Variants in SYT1 observed in about 807,000 individuals in gnomAD.
The protein encoded by SYT1 is synaptotagmin-1.
SYT1 carries 8 observed loss-of-function variants against 44.8 expected under a neutral mutation model. The ratio of observed to expected loss-of-function variants is 0.18; its 90% CI spans 0.10 to 0.32. The LOEUF (loss-of-function observed/expected upper bound fraction) is 0.32. Ranked by LOEUF, SYT1 falls within the 10% of genes least tolerant of loss-of-function variation. The probability of loss-of-function intolerance (pLI) is 1.00; values close to 1 mark genes in which losing one functional copy is unlikely to be tolerated. For synonymous variants in SYT1, 154 were observed against 188.8 expected (o/e 0.82, Z 1.51); for missense variants, 286 against 509.3 (o/e 0.56, Z 4.22).
At chr12:79,052,934 T>G (rs1474611219) in intron 3 of SYT1, among the ~76,000 whole-genome samples, 1 of 152,190 alleles carries the variant, frequency 6.6e-6, no homozygotes, top group East Asian at 1.9e-4. Context: ...TCAACCCTTA[T>G]GGAAGTCAGT....
chr12:78,867,634 T>G (rs988889169), intron 1 of SYT1, among the ~76,000 whole-genome samples: 5 of 152,022 alleles, frequency 3.3e-5, no homozygotes. Context: ...TTTGTCAGAA[T>G]TGAAGACTGC....
intron 1 of SYT1, among the ~76,000 whole-genome samples, chr12:78,949,172 C>T (rs1389074720): frequency 6.6e-6 from 1 of 151,450 alleles, no homozygotes; most frequent in Non-Finnish European, 1.5e-5. Context: ...TATGAGAACA[C>T]ATATTTTTTG....
Position 79,014,838 on chromosome 12 carries a change from T to G in SYT1, c.-83-32459T>G, listed in dbSNP as rs1383682571. On this transcript the variant is annotated intron_variant, in intron 2 of 10. Transcript: ENST00000261205. ...AATATCCAACAATGATAGACTGGATTAAGAAAATGTGGCACATATACACCA... is the reference window on the plus strand; with the variant it reads ...AATATCCAACAATGATAGACTGGATGAAGAAAATGTGGCACATATACACCA... Among the ~76,000 whole-genome samples the G allele has an allele frequency of 1.1e-4, 16 of 151,900 alleles. 1 individual carries two copies. The highest frequency in any genetic ancestry group is 5.8e-4 in the East Asian group (3 of 5,170).
chr12:78,936,672 G>A (rs189109923), intron 1 of SYT1, among the ~76,000 whole-genome samples: 4 of 152,022 alleles, frequency 2.6e-5, no homozygotes, highest in African/African-American at 9.6e-5. Flanking sequence ...ACCGAGTTTG[G>A]CAATTTTGCA....
At chr12:79,255,673 G>T (rs1395423514) in intron 4 of SYT1, among the ~76,000 whole-genome samples, 1 of 152,178 alleles carries the variant, frequency 6.6e-6, no homozygotes. Flanking sequence ...GAATGTCTAT[G>T]TAACCAGGAA....
chr12:79,217,604 C>A lies in SYT1; in HGVS notation c.85C>A (p.Pro29Thr), dbSNP rs148639832. 2 of 1,613,026 alleles carry A rather than the reference C, an allele frequency of 1.2e-6. No individual in the cohort carries two copies. Among genetic ancestry groups the A allele is most frequent in the African/African-American group, 2.7e-5 (2 of 74,816 alleles). Residue 29 changes from proline to threonine, a missense_variant, in exon 4 of 11, where the codon CCA becomes ACA. Pro to Thr is a conservative substitution (Grantham distance 38). Around this residue, in one of 6 missense-constraint regions of SYT1, gnomAD observed 141 missense variants for 165.7 expected, o/e 0.85. Coordinates refer to ENST00000261205, the MANE Select transcript of SYT1 (RefSeq NM_005639.3). ...TGTTCTGCCAAGCAACGCCACAGAG[C>A]CAGCCAGTCCTGGAGAAGGAAAGGA... ...ATVLPSNATE[P>T]ASPGEGKEDA...
intron 9 of SYT1, among the ~76,000 whole-genome samples, chr12:79,364,209 T>C (rs111769536): frequency 2.0e-5 from 3 of 152,072 alleles, no homozygotes; most frequent in Admixed American, 2.0e-4. Context: ...AAGATTTTAC[T>C]TCCTTCCTTC....
intron 3 of SYT1, among the ~76,000 whole-genome samples, chr12:79,107,903 A>G (rs1423195181): frequency 6.6e-6 from 1 of 152,050 alleles, no homozygotes; most frequent in Non-Finnish European, 1.5e-5. Context: ...AAAACAAAAA[A>G]CTAAATAAAC....
At chr12:79,284,048 T>C (rs1007077098) in intron 4 of SYT1, among the ~76,000 whole-genome samples, 2 of 151,998 alleles carry the variant, frequency 1.3e-5, no homozygotes, top group Non-Finnish European at 2.9e-5. Flanking sequence ...CAATCATTGG[T>C]TCTAGTAATG....
At chr12:78,926,494 T>C (rs941478275) in intron 1 of SYT1, 19 of 152,116 alleles carry the variant, frequency 1.2e-4, no homozygotes, top group African/African-American at 4.1e-4. Context: ...TTGTGAATCA[T>C]ATATCCTTAC....
intron 3 of SYT1, among the ~76,000 whole-genome samples, chr12:79,187,366 A>G (rs1226578369): frequency 1.3e-5 from 2 of 152,086 alleles, no homozygotes; most frequent in Non-Finnish European, 2.9e-5. Context: ...TGCCACAGGT[A>G]TCGTCCAGAA....
At chr12:78,936,863 A>C (rs990487331) in intron 1 of SYT1, among the ~76,000 whole-genome samples, 5 of 152,146 alleles carry the variant, frequency 3.3e-5, no homozygotes, top group African/African-American at 9.7e-5. Context: ...AAACTTTCTC[A>C]TATCTTCCAG....
At chr12:79,264,038 G>T (rs1877983064) in intron 4 of SYT1, among the ~76,000 whole-genome samples, 1 of 152,096 alleles carries the variant, frequency 6.6e-6, no homozygotes, top group Non-Finnish European at 1.5e-5. Flanking sequence ...AATAAAAAGA[G>T]CTTGACAGTT....
chr12:79,400,995 C>T (rs1885047159), intron 9 of SYT1, among the ~76,000 whole-genome samples: 1 of 152,168 alleles, frequency 6.6e-6, no homozygotes, highest in Non-Finnish European at 1.5e-5. Flanking sequence ...GGCATTGGCT[C>T]TATTGAACAA....
At chr12:78,921,479 T>C (rs1336548829) in intron 1 of SYT1, among the ~76,000 whole-genome samples, 3 of 151,994 alleles carry the variant, frequency 2.0e-5, no homozygotes, top group Non-Finnish European at 4.4e-5. Flanking sequence ...ACCCTTCAAA[T>C]CCTTAAACCA....
intron 4 of SYT1, among the ~76,000 whole-genome samples, chr12:79,241,524 G>T (rs1344433271): frequency 6.6e-6 from 1 of 152,116 alleles, no homozygotes; most frequent in Non-Finnish European, 1.5e-5. Flanking sequence ...CTCCCAAAGT[G>T]CTGGGATTAC....
chr12:79,444,944 C>CAATA (rs1451981047), intron 10 of SYT1, among the ~76,000 whole-genome samples: 2 of 151,990 alleles, frequency 1.3e-5, no homozygotes, highest in African/African-American at 4.8e-5. Context: ...AGATAATATC[C>CAATA]AATAATTTTG....
intron 8 of SYT1, among the ~76,000 whole-genome samples, chr12:79,315,595 C>G (rs1881043179): frequency 6.6e-6 from 1 of 152,124 alleles, no homozygotes; most frequent in South Asian, 2.1e-4. Flanking sequence ...GTGAAACAGC[C>G]CTCAGGTGTG....
intron 6 of SYT1, 39 bp downstream of exon 6, chr12:79,292,169 T>G (rs1452487479): frequency 1.3e-6 from 2 of 1,585,332 alleles, no homozygotes; most frequent in Admixed American, 1.9e-5. Context: ...CCATTACATT[T>G]TCTGAAATTA....
Sources: allele counts gnomAD v4.1 joint callset (sites outside exome capture counted in the v4.1 genomes callset), GRCh38; gene constraint gnomAD v4.1.1; regional missense constraint gnomAD v4.1.1; transcripts MANE v1.5; gene names NCBI Gene and HGNC (gene_info 2026-07-23, HGNC 2026-07-21).